The following KANSL1 variants were observed in gnomAD, a reference collection of about 807,000 sequenced individuals.
The protein encoded by KANSL1 is KAT8 regulatory NSL complex subunit 1, also known as MLL1/MLL complex subunit KANSL1.
KANSL1 carries 22 observed loss-of-function variants against 103.6 expected under a neutral mutation model. That is an observed-to-expected ratio of 0.21 (90% CI 0.15 to 0.30). KANSL1 has a LOEUF of 0.30. Ranked by LOEUF, KANSL1 falls within the 10% of genes least tolerant of loss-of-function variation. The probability of loss-of-function intolerance (pLI) is 1.00; values close to 1 mark genes in which losing one functional copy is unlikely to be tolerated. For missense variants in KANSL1, 1,337 were observed against 1,399.8 expected, an observed-to-expected ratio of 0.96 and a Z score of 0.72; for synonymous variants, 600 against 527.6, an observed-to-expected ratio of 1.14 and a Z score of -1.88.
At chr17:46,164,807 G>C (rs553044541) in intron 2 of KANSL1, among the ~76,000 whole-genome samples, 1 of 152,200 alleles carries the variant, frequency 6.6e-6, no homozygotes, top group Non-Finnish European at 1.5e-5. Context: ...GGTCACGTAG[G>C]GTCAGCTCCC....
At chr17:46,170,315 G>C (rs1329051475) in intron 2 of KANSL1, 2 of 153,456 alleles carry the variant, frequency 1.3e-5, no homozygotes, top group Non-Finnish European at 2.9e-5. Flanking sequence ...TGGAGGCGAT[G>C]TATTAAATAT....
chr17:46,170,611 T>G (rs1174369768), intron 2 of KANSL1: 1 of 502,210 alleles, frequency 2.0e-6, no homozygotes, highest in Non-Finnish European at 3.5e-6. Flanking sequence ...TCCTAGTTAT[T>G]TTTCTTAGAC....
Position 46,054,346 on chromosome 17 carries a change from G to A in KANSL1, c.1849-3642C>T, listed in dbSNP as rs1244041143. 3.9e-5 allele frequency among the ~76,000 whole-genome samples: 6 copies of A among 152,142 alleles called. 1 individual carries two copies. The South Asian group carries it at 6.2e-4, about 16-fold the overall frequency. ...TGGGATTACAGGCGTGAGCCATCGC[G>A]ACCGGTCCCAGTCATGAAATCCTAT... On this transcript the variant is annotated intron_variant, in intron 6 of 14. Coordinates refer to ENST00000432791, the MANE Select transcript of KANSL1 (RefSeq NM_015443.4).
upstream of KANSL1, among the ~76,000 whole-genome samples, chr17:46,198,857 A>C (rs1339960545): frequency 6.6e-6 from 1 of 152,246 alleles, no homozygotes; most frequent in Admixed American, 6.5e-5. Context: ...TTACAATCAT[A>C]AATCTAATGC....
intron 4 of KANSL1, among the ~76,000 whole-genome samples, chr17:46,074,603 C>CA (rs113989747): frequency 0.14 from 21,730 of 151,650 alleles, 2,126 homozygotes; most frequent in Non-Finnish European, 0.22. Context: ...CTTGTCACTA[C>CA]AAAAAACATA....
At chr17:46,153,395 T>G (rs532729384) in intron 2 of KANSL1, among the ~76,000 whole-genome samples, 161 of 152,386 alleles carry the variant, frequency 1.1e-3, no homozygotes, top group African/African-American at 3.5e-3. Flanking sequence ...ACTTTATCTT[T>G]TATCAAAAGC....
intron 10 of KANSL1, among the ~76,000 whole-genome samples, chr17:46,036,544 G>C (rs928470490): frequency 6.6e-6 from 1 of 152,168 alleles, no homozygotes; most frequent in Non-Finnish European, 1.5e-5. Flanking sequence ...GTAATCTGGA[G>C]ATGATTTAAA....
chr17:46,094,740 G>C, intron 2 of KANSL1, 39 bp from the exon 3 acceptor site: 1 of 1,612,462 alleles, frequency 6.2e-7, no homozygotes, highest in South Asian at 1.1e-5. Context: ...AAGAGTAGCA[G>C]TAATATCTAT....
At chr17:46,094,443 T>G (rs1230168151) in intron 3 of KANSL1, 117 bp downstream of exon 3, 17 of 1,232,454 alleles carry the variant, frequency 1.4e-5, no homozygotes, top group Non-Finnish European at 1.6e-5. Context: ...ATTAAACCAT[T>G]TACTTTGCAA....
chr17:46,148,917 T>A (rs972739540), intron 2 of KANSL1, among the ~76,000 whole-genome samples: 2 of 143,036 alleles, frequency 1.4e-5, no homozygotes, highest in African/African-American at 5.0e-5. Flanking sequence ...AAAAAAAAAA[T>A]TCCTCCCCTC....
chr17:46,151,336 T>C (rs964684277), intron 2 of KANSL1, among the ~76,000 whole-genome samples: 8 of 152,154 alleles, frequency 5.3e-5, no homozygotes, highest in African/African-American at 1.9e-4. Flanking sequence ...TTGCAAGTGT[T>C]CTCTACACCT....
chr17:46,082,336 C>T, intron 4 of KANSL1, 105 bp downstream of exon 4: 1 of 653,160 alleles, frequency 1.5e-6, no homozygotes, highest in Non-Finnish European at 2.7e-6. Context: ...ATACAGTTCC[C>T]CTTCTTCAGC....
chr17:46,092,488 T>C (rs2079435249), intron 3 of KANSL1, among the ~76,000 whole-genome samples: 1 of 152,180 alleles, frequency 6.6e-6, no homozygotes. Context: ...GAGATAAAGA[T>C]ATTTATCATG....
At chr17:46,048,222 A>G (rs1262490881) in intron 7 of KANSL1, among the ~76,000 whole-genome samples, 1 of 152,078 alleles carries the variant, frequency 6.6e-6, no homozygotes, top group Non-Finnish European at 1.5e-5. Flanking sequence ...AAATTTAAAT[A>G]ACAGAAAGCA....
intron 3 of KANSL1, chr17:46,093,226 A>C (rs1483645274): frequency 2.0e-5 from 3 of 152,294 alleles, no homozygotes; most frequent in Non-Finnish European, 4.4e-5. Context: ...GTCACCTCCT[A>C]GTTATTCTTA....
intron 2 of KANSL1, among the ~76,000 whole-genome samples, chr17:46,130,187 C>CAAAAAAAAGAAAAAAAA (rs2043785556): frequency 1.3e-5 from 1 of 75,472 alleles, no homozygotes; most frequent in Non-Finnish European, 2.7e-5. Context: ...ATCCTGTCTC[C>CAAAAAAAAGAAAAAAAA]AAAAAAAAAA....
In KANSL1 at chr17:46,032,055, C is replaced by G. The variant is rs765297359; in HGVS notation, c.3082G>C (p.Asp1028His). The change falls in exon 14 of 15, where the codon GAT becomes CAT. Residue 1028 changes from aspartate to histidine, a missense_variant. By Grantham distance (81) the Asp-to-His change is moderately conservative (BLOSUM62 -1). Around this residue, in one of 2 missense-constraint regions of KANSL1, gnomAD observed 780 missense variants for 923.4 expected, o/e 0.84. Transcript: ENST00000432791. ...TRCSTPELGL[D>H]EQSVQPWERR... ...AAGGCTGCGTCCCTTACCTGTTCAT[C>G]CAGCCCCAGCTCTGGTGTGGAACAA... The G allele has an allele frequency of 1.7e-5, 27 of 1,614,186 alleles. No homozygotes were observed. Among genetic ancestry groups the G allele is most frequent in the Non-Finnish European group, 2.3e-5 (27 of 1,180,036 alleles).
intron 1 of KANSL1, among the ~76,000 whole-genome samples, chr17:46,185,877 G>A (rs2147871208): frequency 6.6e-6 from 1 of 152,086 alleles, no homozygotes. Context: ...TTTTTCTGAA[G>A]GATGTCTATA....
chr17:46,213,347 CTGGAG>C (rs2048227054), intron 1 of KANSL1, among the ~76,000 whole-genome samples: 2 of 152,146 alleles, frequency 1.3e-5, no homozygotes, highest in Admixed American at 1.3e-4. Flanking sequence ...GTGGCCCAGG[CTGGAG>C]AGTAGTGGCG....
Sources: gnomAD v4.1 joint callset for allele counts (sites outside exome capture counted in the v4.1 genomes callset) on GRCh38, gnomAD v4.1.1 for gene constraint, gnomAD v4.1.1 regional missense constraint, MANE v1.5 for transcripts, NCBI Gene and HGNC (gene_info 2026-07-23, HGNC 2026-07-21) for gene names.